The following THADA variants were observed in gnomAD, a reference collection of about 807,000 sequenced individuals.
THADA encodes the protein THADA armadillo repeat containing.
A neutral mutation model predicts 219.8 loss-of-function variants in THADA; 213 were observed. That is an observed-to-expected ratio of 0.97 (90% CI 0.87 to 1.09). THADA has a LOEUF of 1.09. Ranked by LOEUF, THADA falls within the 50% of genes least tolerant of loss-of-function variation. The pLI is 0.00. For synonymous variants in THADA, 1,018 were observed against 828.9 expected (o/e 1.23, Z -3.92); for missense variants, 2,956 against 2,311.3 (o/e 1.28, Z -5.72).
intron 31 of THADA, among the ~76,000 whole-genome samples, chr2:43,319,518 C>T (rs1368514638): frequency 2.0e-5 from 3 of 152,072 alleles, no homozygotes; most frequent in East Asian, 3.9e-4. Flanking sequence ...CCCACCTCCC[C>T]GACCTCCCTC....
intron 31 of THADA, among the ~76,000 whole-genome samples, chr2:43,304,074 G>A (rs933185122): frequency 6.6e-6 from 1 of 152,102 alleles, no homozygotes; most frequent in East Asian, 1.9e-4. Context: ...ATTTGTTTTT[G>A]TACACCATGG....
intron 29 of THADA, among the ~76,000 whole-genome samples, chr2:43,361,849 G>A (rs1378012404): frequency 2.0e-5 from 3 of 152,176 alleles, no homozygotes; most frequent in African/African-American, 4.8e-5. Flanking sequence ...CTAAGAATAA[G>A]TTGTACCACT....
At chr2:43,495,983 A>G (rs1688230666) in intron 25 of THADA, among the ~76,000 whole-genome samples, 1 of 152,216 alleles carries the variant, frequency 6.6e-6, no homozygotes, top group African/African-American at 2.4e-5. Context: ...TTTCTAGGCA[A>G]GAGTTGGCAA....
intron 15 of THADA, chr2:43,562,413 T>G (rs1698178318): frequency 6.6e-6 from 1 of 152,120 alleles, no homozygotes; most frequent in Non-Finnish European, 1.5e-5. Context: ...CCCGGCTAAT[T>G]TTTTGTATTT....
chr2:43,527,435 A>G (rs1693300252), intron 22 of THADA, among the ~76,000 whole-genome samples: 1 of 152,218 alleles, frequency 6.6e-6, no homozygotes, highest in South Asian at 2.1e-4. Context: ...TCTACTTTTC[A>G]GTCTACTTAC....
At chr2:43,295,135 C>T (rs926273051) in intron 31 of THADA, among the ~76,000 whole-genome samples, 21 of 152,138 alleles carry the variant, frequency 1.4e-4, no homozygotes, top group African/African-American at 4.6e-4. Flanking sequence ...TCACTTGAGC[C>T]CAGGAGGTTG....
At chr2:43,503,048 G>C (rs1689210440) in intron 24 of THADA, among the ~76,000 whole-genome samples, 1 of 152,158 alleles carries the variant, frequency 6.6e-6, no homozygotes, top group African/African-American at 2.4e-5. Context: ...TAAGCAGAAA[G>C]TCAAAAACTG....
intron 28 of THADA, among the ~76,000 whole-genome samples, chr2:43,401,754 G>C (rs1001518532): frequency 5.9e-5 from 9 of 152,270 alleles, no homozygotes; most frequent in Non-Finnish European, 1.3e-4. Flanking sequence ...GAAGGATTCA[G>C]TGAAAACTCT....
At chr2:43,574,231 T>G in intron 11 of THADA, 105 bp downstream of exon 11, 1 of 804,338 alleles carries the variant, frequency 1.2e-6, no homozygotes, top group South Asian at 2.0e-5. Flanking sequence ...CCTTTACTAT[T>G]TATAGAAGTG....
Position 43,232,876 on chromosome 2 carries a change from G to C in THADA, c.5303C>G (p.Ala1768Gly). The C allele has an allele frequency of 1.9e-6, 3 of 1,607,908 alleles. No individual in the cohort carries two copies. The East Asian group carries it at 6.7e-5, about 36-fold the overall frequency. ...QENTCQSTEF[A>G]FCQVDASIAL... ...GATGGAGGCATCCACCTGGCAGAAG[G>C]CAAACTCTGCAAAGACAGGAGAAAG... Residue 1768 changes from alanine (A) to glycine (G), a missense_variant, in exon 37 of 38, where the codon GCC becomes GGC. Physicochemically the swap from Ala to Gly is moderately conservative, Grantham distance 60. Transcript: ENST00000405975.
chr2:43,387,958 C>A (rs1019419615), intron 29 of THADA, among the ~76,000 whole-genome samples: 1 of 152,212 alleles, frequency 6.6e-6, no homozygotes, highest in Non-Finnish European at 1.5e-5. Context: ...TTACTTCAGG[C>A]ATCTGGGGTG....
In THADA at chr2:43,538,262, C is replaced by T. The variant is rs563736149; in HGVS notation, c.3264+2897G>A. On this transcript the variant is annotated intron_variant, in intron 21 of 37. Transcript: ENST00000405975. ...ACATCAAGTTTGAAAACTCCACACA[C>T]ATCAACTAGTCAGGAAGTTGTGAGA... Among the ~76,000 whole-genome samples the T allele has an allele frequency of 2.6e-5, 4 of 152,336 alleles. No homozygotes were observed. The East Asian group carries it at 7.7e-4, about 29-fold the overall frequency.
chr2:43,308,833 A>C (rs1677175745), intron 31 of THADA, among the ~76,000 whole-genome samples: 1 of 151,726 alleles, frequency 6.6e-6, no homozygotes, highest in African/African-American at 2.4e-5. Context: ...CGTGAGATAG[A>C]CTACAGATCT....
At position 43,371,010 on chromosome 2, in the gene THADA, G is replaced by C. The variant is rs1235642405; in HGVS notation, c.4228-26773C>G. Among the ~76,000 whole-genome samples, 6 of 152,284 alleles carry C rather than the reference G, an allele frequency of 3.9e-5. 1 individual carries two copies. The highest frequency in any genetic ancestry group is 9.6e-5 in the African/African-American group (4 of 41,556). ...AGCTAACATCACAATCAAAGAACAA[G>C]ATTAATGAATATTACATTTCTGCTT... On this transcript the variant is annotated intron_variant, in intron 29 of 37. Coordinates refer to ENST00000405975, the MANE Select transcript of THADA (RefSeq NM_022065.5).
At chr2:43,482,001 G>C (rs1337016761) in intron 26 of THADA, among the ~76,000 whole-genome samples, 1 of 152,180 alleles carries the variant, frequency 6.6e-6, no homozygotes, top group African/African-American at 2.4e-5. Context: ...CTCCTGTCCT[G>C]TAAGAAATGA....
intron 28 of THADA, among the ~76,000 whole-genome samples, chr2:43,424,006 C>T (rs973418686): frequency 6.6e-6 from 1 of 152,150 alleles, no homozygotes; most frequent in African/African-American, 2.4e-5. Flanking sequence ...GCATCACATT[C>T]ACATGGTAAA....
rs1430296962 is a variant in THADA at position 43,523,986 on chromosome 2, AAAT to A, written c.3374+3890_3374+3892del. ...TCATTTTCATCAGAAGAACGACTTC[AAAT>A]AATAAGATCACAGAAAGTAAACAAG... On this transcript the variant is annotated intron_variant, in intron 22 of 37. Transcript: ENST00000405975. 2.6e-5 allele frequency among the ~76,000 whole-genome samples: 4 copies of A among 152,328 alleles called. No homozygotes were observed. In the East Asian group the frequency reaches 7.7e-4, roughly 29 times the overall value.
At chr2:43,550,741 T>C (rs1380528664) in intron 19 of THADA, among the ~76,000 whole-genome samples, 1 of 152,238 alleles carries the variant, frequency 6.6e-6, no homozygotes, top group Non-Finnish European at 1.5e-5. Context: ...ATCCAGAATA[T>C]ATGGGTACTT....
At chr2:43,391,030 T>C (rs1476083338) in intron 29 of THADA, among the ~76,000 whole-genome samples, 2 of 152,124 alleles carry the variant, frequency 1.3e-5, no homozygotes, top group Non-Finnish European at 2.9e-5. Context: ...CCATTTAATC[T>C]TGCATAACTT....
Sources: gnomAD v4.1 joint callset for allele counts (sites outside exome capture counted in the v4.1 genomes callset) on GRCh38, gnomAD v4.1.1 for gene constraint, MANE v1.5 for transcripts, NCBI Gene and HGNC (gene_info 2026-07-23, HGNC 2026-07-21) for gene names.